The following IFT74 variants were observed in gnomAD, a reference collection of about 807,000 sequenced individuals.
The protein encoded by IFT74 is intraflagellar transport 74.
Under a neutral mutation model 96.7 loss-of-function variants are expected in IFT74, and 92 were observed. The observed-to-expected ratio is 0.95, with a 90% CI of 0.80 to 1.13. The LOEUF (loss-of-function observed/expected upper bound fraction) is 1.13, where lower values mean the gene tolerates loss of function less well. Among genes scored for constraint, IFT74 ranks in the 50% most tolerant of loss-of-function variants. IFT74 has a pLI of 0.00. For synonymous variants in IFT74, 223 were observed against 213.2 expected (o/e 1.05, Z -0.40); for missense variants, 811 against 698.2 (o/e 1.16, Z -1.82).
intron 2 of IFT74, among the ~76,000 whole-genome samples, chr9:26,976,129 G>A (rs1293583700): frequency 6.6e-6 from 1 of 152,124 alleles, no homozygotes; most frequent in African/African-American, 2.4e-5. Context: ...TGAGAGCTTG[G>A]ATTTGTTTGT....
At position 27,065,570 on chromosome 9, in the gene IFT74, G is replaced by A. The variant is rs1032734770; in HGVS notation, c.*2834G>A. On this transcript the variant is annotated 3_prime_UTR_variant, in exon 20 of 20. Coordinates refer to ENST00000380062, the MANE Select transcript of IFT74 (RefSeq NM_025103.4). ...TTCTTGATATTCTTTTTCCTGTGGA[G>A]CCCCTCGTTTGGACAATACTATAGT... Among the ~76,000 whole-genome samples the A allele has an allele frequency of 1.3e-5, 2 of 152,124 alleles. No homozygotes were observed. The highest frequency in any genetic ancestry group is 4.8e-5 in the African/African-American group (2 of 41,430).
upstream of IFT74, among the ~76,000 whole-genome samples, chr9:26,952,437 C>T (rs887801673): frequency 1.3e-5 from 2 of 151,804 alleles, no homozygotes; most frequent in Admixed American, 6.6e-5. Flanking sequence ...TCACCATGCC[C>T]GGCTAATTTT....
intron 3 of IFT74, among the ~76,000 whole-genome samples, chr9:26,980,352 A>T (rs1461823806): frequency 2.0e-5 from 3 of 151,842 alleles, no homozygotes; most frequent in African/African-American, 7.3e-5. Flanking sequence ...TAACAGCCCC[A>T]CCTCTAGTCC....
At chr9:26,990,854 G>A (rs1487537065) in intron 8 of IFT74, among the ~76,000 whole-genome samples, 2 of 152,142 alleles carry the variant, frequency 1.3e-5, no homozygotes, top group African/African-American at 4.8e-5. Context: ...AATCCTGAAT[G>A]ATTCAAGAAT....
At chr9:27,043,322 A>G (rs950951626) in intron 13 of IFT74, among the ~76,000 whole-genome samples, 1 of 152,226 alleles carries the variant, frequency 6.6e-6, no homozygotes. Context: ...TCAGACCAGA[A>G]GGCAGAAAAG....
At chr9:27,053,161 C>CTTTTT (rs58085385) in intron 16 of IFT74, among the ~76,000 whole-genome samples, 1 of 50,590 alleles carries the variant, frequency 2.0e-5, no homozygotes, top group African/African-American at 9.7e-5. Context: ...CGCGCCTGGC[C>CTTTTT]TTTTTTTTTT....
chr9:26,979,749 G>A, intron 3 of IFT74, among the ~76,000 whole-genome samples: 1 of 99,088 alleles, frequency 1.0e-5, no homozygotes, highest in Non-Finnish European at 1.8e-5. Flanking sequence ...GTCTTTCTCT[G>A]TCGCCCAGGC....
intron 8 of IFT74, among the ~76,000 whole-genome samples, chr9:26,996,741 A>G (rs1358420978): frequency 6.6e-6 from 1 of 151,876 alleles, no homozygotes; most frequent in Non-Finnish European, 1.5e-5. Context: ...TGTAGATTTT[A>G]TTATTAATAT....
intron 8 of IFT74, among the ~76,000 whole-genome samples, chr9:26,991,636 C>T (rs889196240): frequency 1.3e-5 from 2 of 151,766 alleles, no homozygotes; most frequent in East Asian, 1.9e-4. Context: ...TACTTGAAAA[C>T]GTTCCTTTTT....
chr9:27,055,576 G>T, intron 16 of IFT74, 33 bp from the exon 17 acceptor site: 4 of 1,471,708 alleles, frequency 2.7e-6, no homozygotes, highest in South Asian at 2.7e-5. Context: ...ATAAAATTTT[G>T]ATTAATTATC....
At chr9:26,979,458 T>G (rs1277620269) in intron 3 of IFT74, among the ~76,000 whole-genome samples, 1 of 152,066 alleles carries the variant, frequency 6.6e-6, no homozygotes, top group Non-Finnish European at 1.5e-5. Context: ...AATTTAAGAT[T>G]GTTAGTCTCT....
chr9:26,985,799 C>T lies in IFT74; in HGVS notation c.465+1240C>T, dbSNP rs189171973. ...ATCAGTGATCATTGCTTTAAAAACA[C>T]ATTTTTTATCAAGTGTTGTCATCTT... On this transcript the variant is annotated intron_variant, in intron 6 of 19. Transcript: ENST00000380062. Among the ~76,000 whole-genome samples, 364 of 152,148 alleles carry T rather than the reference C, an allele frequency of 2.4e-3. 3 individuals are homozygous for T. Among genetic ancestry groups the T allele is most frequent in the African/African-American group, 8.5e-3 (353 of 41,468 alleles).
chr9:27,032,569 T>TA (rs201209087), intron 13 of IFT74, among the ~76,000 whole-genome samples: 9,599 of 151,208 alleles, frequency 0.063, 375 homozygotes, highest in African/African-American at 0.11. Flanking sequence ...CTTTTCAGCT[T>TA]AAAAAAAAAG....
intron 2 of IFT74, among the ~76,000 whole-genome samples, chr9:26,968,268 T>G (rs1826717605): frequency 1.3e-5 from 2 of 151,116 alleles, no homozygotes; most frequent in Non-Finnish European, 3.0e-5. Context: ...AAAAAAAATT[T>G]TTTTTTTTTT....
rs145127663 is a variant in IFT74 at position 26,959,988 on chromosome 9, G to C, written c.-19-1961G>C. Among the ~76,000 whole-genome samples, 24 of 152,262 alleles carry C rather than the reference G, an allele frequency of 1.6e-4. No homozygotes were observed. The East Asian group carries it at 2.5e-3, about 16-fold the overall frequency. On this transcript the variant is annotated intron_variant, in intron 1 of 19. Transcript: ENST00000380062. ...CAGATGGGCTGGAGAATAGTTCAAG[G>C]ATACAAATTAGTTGATAGTGCTCAT...
At chr9:27,007,234 C>T (rs1828842007) in intron 8 of IFT74, among the ~76,000 whole-genome samples, 1 of 152,120 alleles carries the variant, frequency 6.6e-6, no homozygotes, top group Non-Finnish European at 1.5e-5. Context: ...TACACCTGGA[C>T]ATCATATGGC....
intron 18 of IFT74, among the ~76,000 whole-genome samples, chr9:27,058,027 T>C (rs1402520134): frequency 6.6e-6 from 1 of 152,188 alleles, no homozygotes; most frequent in Non-Finnish European, 1.5e-5. Context: ...CCATATTGTT[T>C]TTACAAAAAA....
intron 2 of IFT74, among the ~76,000 whole-genome samples, chr9:26,968,577 G>T (rs1229456510): frequency 6.6e-6 from 1 of 152,066 alleles, no homozygotes; most frequent in Admixed American, 6.6e-5. Context: ...TTTTTATTAT[G>T]GCTTGGATCT....
In IFT74 at chr9:26,956,648, G is replaced by A. The variant is rs1461275561; in HGVS notation, c.-20+132G>A. On this transcript the variant is annotated intron_variant, in intron 1 of 19. Transcript: ENST00000380062. ...GCTAACTGTTACCGTCGGGCCTGTA[G>A]CCAGGCCAGGCATGTACCAATTCTA... 2.0e-5 allele frequency: 3 copies of A among 152,332 alleles called. No individual in the cohort carries two copies. In the East Asian group the frequency reaches 5.8e-4, roughly 29 times the overall value. 9.4% of individuals were successfully genotyped at this position (152,332 alleles called of 1,614,324 possible).
Sources: gnomAD v4.1 joint callset for allele counts (sites outside exome capture counted in the v4.1 genomes callset) on GRCh38, gnomAD v4.1.1 for gene constraint, MANE v1.5 for transcripts, NCBI Gene and HGNC (gene_info 2026-07-23, HGNC 2026-07-21) for gene names.